Variants in RPS6KA5 observed in about 807,000 individuals in gnomAD.
The protein encoded by RPS6KA5 is ribosomal protein S6 kinase A5.
Under a neutral mutation model 85.5 loss-of-function variants are expected in RPS6KA5, and 27 were observed. The ratio of observed to expected loss-of-function variants is 0.32; its 90% CI spans 0.23 to 0.44. The LOEUF (loss-of-function observed/expected upper bound fraction) is 0.44. RPS6KA5 is among the 20% of genes least tolerant of loss of function. The probability of loss-of-function intolerance (pLI) is 1.00; values close to 1 mark genes in which losing one functional copy is unlikely to be tolerated. For missense variants in RPS6KA5, 811 were observed against 980.9 expected (o/e 0.83, Z 2.31); for synonymous variants, 334 against 348.2 (o/e 0.96, Z 0.46).
In RPS6KA5 at chr14:90,978,229, T is replaced by C. The variant is rs2039647964; in HGVS notation, c.394+77A>G. Reference sequence around the variant, plus strand: ...CACTTCTTCTAAGTCCATAGTATCTTGCCCTTTAAGTACATTATAACTTAA... The same window carrying C: ...CACTTCTTCTAAGTCCATAGTATCTCGCCCTTTAAGTACATTATAACTTAA... On this transcript the variant is annotated intron_variant, in intron 3 of 16. Transcript: ENST00000614987. The C allele has an allele frequency of 2.9e-6, 3 of 1,043,808 alleles. No homozygotes were observed. In the Admixed American group the frequency reaches 7.5e-5, roughly 26 times the overall value. The allele number at this position is 1,043,808 out of a possible 1,614,324, so 64.7% of individuals were successfully genotyped here.
chr14:90,964,859 G>A (rs748904533), intron 3 of RPS6KA5, among the ~76,000 whole-genome samples: 1 of 149,932 alleles, frequency 6.7e-6, no homozygotes, highest in Non-Finnish European at 1.5e-5. Flanking sequence ...AGGCTGCAGT[G>A]GGCCATGATA....
intron 3 of RPS6KA5, among the ~76,000 whole-genome samples, chr14:90,968,356 G>A (rs1009030051): frequency 2.0e-5 from 3 of 152,104 alleles, no homozygotes; most frequent in Non-Finnish European, 2.9e-5. Flanking sequence ...CCCCACACCA[G>A]ATAATTCAGA....
intron 5 of RPS6KA5, among the ~76,000 whole-genome samples, chr14:90,930,151 C>T (rs1035612104): frequency 2.0e-5 from 3 of 152,276 alleles, no homozygotes; most frequent in South Asian, 2.1e-4. Context: ...AGATTACAGG[C>T]GTGAGCCACC....
rs1431381293 is a variant in RPS6KA5 at position 90,855,946 on chromosome 14, GTGATCCACCCGCCTTGGCC to G, written c.*16109_*16127del. 1 of 152,210 alleles carries G rather than the reference GTGATCCACCCGCCTTGGCC, an allele frequency of 6.6e-6. No individual in the cohort carries two copies. Among genetic ancestry groups the G allele is most frequent in the Admixed American group, 6.5e-5 (1 of 15,270 alleles). 9.4% of individuals were successfully genotyped at this position (152,210 alleles called of 1,614,324 possible). A position where few individuals can be genotyped will look rare whatever the true frequency, so the allele number is the denominator to read the frequency against. On this transcript the variant is annotated 3_prime_UTR_variant, in exon 17 of 17. Coordinates refer to ENST00000614987, the MANE Select transcript of RPS6KA5 (RefSeq NM_004755.4). ...GCTGCTCTCAAACTCCTGACCTCAC[GTGATCCACCCGCCTTGGCC>G]TCCCAAAAGGCCGGTGCTCCCATTA...
At chr14:90,890,203 T>C (rs1000374594) in intron 14 of RPS6KA5, among the ~76,000 whole-genome samples, 1 of 152,222 alleles carries the variant, frequency 6.6e-6, no homozygotes, top group Non-Finnish European at 1.5e-5. Context: ...CAATATAATA[T>C]GTGTCTTTAA....
At chr14:90,925,196 G>A (rs765032637) in intron 5 of RPS6KA5, among the ~76,000 whole-genome samples, 3 of 152,084 alleles carry the variant, frequency 2.0e-5, no homozygotes, top group South Asian at 2.1e-4. Context: ...CTGCACAAAC[G>A]GTGGAAAGGT....
chr14:91,047,542 AACTG>A (rs749407897), intron 1 of RPS6KA5, among the ~76,000 whole-genome samples: 14 of 152,216 alleles, frequency 9.2e-5, no homozygotes, highest in South Asian at 2.1e-4. Flanking sequence ...TTGTTTAAAT[AACTG>A]ACTGCTTCAC....
At chr14:90,990,917 T>C (rs568012389) in intron 2 of RPS6KA5, among the ~76,000 whole-genome samples, 7 of 152,144 alleles carry the variant, frequency 4.6e-5, no homozygotes, top group Admixed American at 6.5e-5. Context: ...AAAAACTACA[T>C]ATAGGGTACT....
At chr14:91,059,162 C>A (rs1030544308) in intron 1 of RPS6KA5, among the ~76,000 whole-genome samples, 2 of 148,464 alleles carry the variant, frequency 1.3e-5, no homozygotes, top group Admixed American at 1.3e-4. Context: ...GACCGCCCCC[C>A]CCACCCCGCC....
At chr14:90,885,252 CAAAAA>C (rs997481800) in intron 14 of RPS6KA5, among the ~76,000 whole-genome samples, 2 of 101,816 alleles carry the variant, frequency 2.0e-5, no homozygotes, top group African/African-American at 3.8e-5. Flanking sequence ...GATCTTGTCT[CAAAAA>C]AAAAAAAAAA....
Position 90,900,724 on chromosome 14 carries a change from C to A in RPS6KA5, c.1132G>T (p.Val378Phe). 6.2e-7 allele frequency: 1 copy of A among 1,611,894 alleles called. No homozygotes were observed. The highest frequency in any genetic ancestry group is 8.5e-7 in the Non-Finnish European group (1 of 1,179,178). The change falls in exon 10 of 17, where the codon GTT (valine) becomes TTT (phenylalanine). Residue 378 changes from valine to phenylalanine, a missense_variant. By Grantham distance (50) the Val-to-Phe change is conservative (BLOSUM62 -1). Transcript: ENST00000614987. ...SEKLFQGYSF[V>F]APSILFKRNA... ...CGCTTGAATAGGATGGAAGGAGCAA[C>A]AAAGGAATAGCCCTAAAAACAAGAC...
chr14:90,894,437 C>G lies in RPS6KA5; in HGVS notation c.1620G>C (p.Val540=). The G allele has an allele frequency of 3.1e-6, 5 of 1,613,994 alleles. No individual in the cohort carries two copies. Among genetic ancestry groups the G allele is most frequent in the Non-Finnish European group, 4.2e-6 (5 of 1,179,952 alleles). Residue 540 remains valine (V), a synonymous_variant, in exon 13 of 17, where the codon GTG becomes GTC. Transcript: ENST00000614987. ...CCTCAGGTTTCAGATCCCTGTGCAC[C>G]ACTCCAACATCATGCATGTGGCTTA... ...SAVSHMHDVG[V]VHRDLKPENL...
At chr14:90,899,017 C>T (rs145097830) in intron 12 of RPS6KA5, among the ~76,000 whole-genome samples, 62 of 152,182 alleles carry the variant, frequency 4.1e-4, no homozygotes, top group African/African-American at 1.4e-3. Flanking sequence ...TGGGTAGAAG[C>T]GGCACTGGCA....
chr14:90,960,496 G>A (rs1453077779), intron 3 of RPS6KA5, among the ~76,000 whole-genome samples: 1 of 152,146 alleles, frequency 6.6e-6, no homozygotes, highest in African/African-American at 2.4e-5. Flanking sequence ...ACATCTGAAA[G>A]GAGGAGTCTT....
At chr14:90,883,331 T>A (rs1029749553) in intron 14 of RPS6KA5, among the ~76,000 whole-genome samples, 1 of 152,160 alleles carries the variant, frequency 6.6e-6, no homozygotes, top group Admixed American at 6.5e-5. Context: ...TTCATTTTTC[T>A]CTCTGTTCCT....
rs778295556 is a variant in RPS6KA5, at chr14:90,853,113, G to C, written c.*18961C>G. 6.6e-6 allele frequency: 1 copy of C among 151,618 alleles called. No individual in the cohort carries two copies. Among genetic ancestry groups the C allele is most frequent in the East Asian group, 1.9e-4 (1 of 5,190 alleles). The allele number at this position is 151,618 out of a possible 1,614,324, so 9.4% of individuals were successfully genotyped here. A position where few individuals can be genotyped will look rare whatever the true frequency, so the allele number is the denominator to read the frequency against. On this transcript the variant is annotated 3_prime_UTR_variant, in exon 17 of 17. Coordinates refer to ENST00000614987, the MANE Select transcript of RPS6KA5 (RefSeq NM_004755.4). ...AGCAAAAAGAGTGAATGTGTTTGCC[G>C]TTCTATAAATAAAATGAGTTCACTA...
At chr14:91,005,148 A>C (rs2040964396) in intron 1 of RPS6KA5, among the ~76,000 whole-genome samples, 1 of 152,160 alleles carries the variant, frequency 6.6e-6, no homozygotes, top group Admixed American at 6.5e-5. Context: ...ATATAAATGA[A>C]ATCATGCAAT....
intron 8 of RPS6KA5, among the ~76,000 whole-genome samples, chr14:90,905,367 T>C (rs956306753): frequency 6.6e-5 from 10 of 152,174 alleles, no homozygotes; most frequent in Non-Finnish European, 1.5e-4. Context: ...CTTTAGACCA[T>C]AAATATTTAG....
At chr14:90,931,999 G>A (rs2037009221) in intron 5 of RPS6KA5, among the ~76,000 whole-genome samples, 1 of 152,116 alleles carries the variant, frequency 6.6e-6, no homozygotes, top group Non-Finnish European at 1.5e-5. Flanking sequence ...ATGAAGTAAG[G>A]GTACTAAAAC....
Sources: allele counts gnomAD v4.1 joint callset (sites outside exome capture counted in the v4.1 genomes callset), GRCh38; gene constraint gnomAD v4.1.1; transcripts MANE v1.5; gene names NCBI Gene and HGNC (gene_info 2026-07-23, HGNC 2026-07-21).